Variants in STPG2 observed in about 807,000 individuals in gnomAD.
STPG2 encodes the protein sperm tail PG-rich repeat containing 2.
A neutral mutation model predicts 54.2 loss-of-function variants in STPG2; 56 were observed. That is an observed-to-expected ratio of 1.03 (90% CI 0.83 to 1.29). The LOEUF (loss-of-function observed/expected upper bound fraction) is 1.29, where lower values mean the gene tolerates loss of function less well. STPG2 is among the 50% of genes most tolerant of loss of function. The pLI is 0.00. For synonymous variants in STPG2, 200 were observed against 181.8 expected (o/e 1.10, Z -0.81); for missense variants, 596 against 544.9 (o/e 1.09, Z -0.93).
intron 4 of STPG2, among the ~76,000 whole-genome samples, chr4:97,532,935 C>A (rs760076836): frequency 6.6e-6 from 1 of 151,984 alleles, no homozygotes; most frequent in Non-Finnish European, 1.5e-5. Flanking sequence ...CAGGCTGGAG[C>A]GCAGTGGTGC....
intron 10 of STPG2, among the ~76,000 whole-genome samples, chr4:97,590,508 C>T (rs1478577336): frequency 2.0e-5 from 3 of 152,100 alleles, no homozygotes; most frequent in Admixed American, 1.3e-4. Flanking sequence ...AGTGCCTATT[C>T]TTACACAAGA....
At chr4:98,036,748 A>G (rs1432722500) in intron 5 of STPG2, among the ~76,000 whole-genome samples, 1 of 150,644 alleles carries the variant, frequency 6.6e-6, no homozygotes, top group East Asian at 1.9e-4. Flanking sequence ...TGTACAACAA[A>G]CCCCCTTGAC....
chr4:97,818,334 C>G (rs1392969286), intron 9 of STPG2, among the ~76,000 whole-genome samples: 2 of 151,828 alleles, frequency 1.3e-5, no homozygotes, highest in Non-Finnish European at 2.9e-5. Context: ...CCTATATATA[C>G]ATATCCATAA....
In STPG2 at chr4:97,846,580, G is replaced by A. The variant is rs1325130227; in HGVS notation, c.1045-5648C>T. Among the ~76,000 whole-genome samples, 5 of 148,908 alleles carry A rather than the reference G, an allele frequency of 3.4e-5. No individual in the cohort carries two copies. In the Admixed American group the frequency reaches 3.4e-4, roughly 10 times the overall value. On this transcript the variant is annotated intron_variant, in intron 8 of 10. Transcript: ENST00000295268. ...GCAGAGGTTGCAGTGAGCCGAGACG[G>A]TGCCACTGCACTCCAGACTGGCAAC...
Position 97,933,644 on chromosome 4 carries a change from T to C in STPG2, c.1044+10253A>G, listed in dbSNP as rs191250854. Among the ~76,000 whole-genome samples, 201 of 152,326 alleles carry C rather than the reference T, an allele frequency of 1.3e-3. 1 individual carries two copies. Among genetic ancestry groups the C allele is most frequent in the South Asian group, 4.6e-3 (22 of 4,826 alleles). On this transcript the variant is annotated intron_variant, in intron 8 of 10. Coordinates refer to ENST00000295268, the MANE Select transcript of STPG2 (RefSeq NM_174952.3). ...GAATTCTTTCCCCCTTGCCTGTTTT[T>C]GTCAGGTTTGTCAAAGATCAGATGG...
intron 8 of STPG2, among the ~76,000 whole-genome samples, chr4:97,874,208 AC>A (rs1282262563): frequency 6.6e-6 from 1 of 151,658 alleles, no homozygotes; most frequent in African/African-American, 2.4e-5. Flanking sequence ...TCCACTGGAA[AC>A]TTAGGGAATC....
chr4:97,731,508 G>C lies in STPG2; in HGVS notation c.1205-18694C>G, dbSNP rs113856413. Among the ~76,000 whole-genome samples, 864 of 152,264 alleles carry C rather than the reference G, an allele frequency of 5.7e-3. 2 individuals are homozygous for C. The highest frequency in any genetic ancestry group is 0.02 in the Middle Eastern group (6 of 294). ...AGAGAGGAAGGTTGGGAAGCCTAGA[G>C]ATGAAGCCTAGGAAGCTCATGCTTC... On this transcript the variant is annotated intron_variant, in intron 9 of 10. Transcript: ENST00000295268.
chr4:97,831,596 G>C (rs906668916), intron 9 of STPG2, among the ~76,000 whole-genome samples: 2 of 151,922 alleles, frequency 1.3e-5, no homozygotes, highest in African/African-American at 4.8e-5. Flanking sequence ...CTGCTTTTTT[G>C]AAAAGATCAA....
chr4:97,768,248 C>T (rs1226448494), intron 9 of STPG2, among the ~76,000 whole-genome samples: 2 of 151,138 alleles, frequency 1.3e-5, no homozygotes, highest in African/African-American at 2.4e-5. Flanking sequence ...AATTTAAAGA[C>T]ACAATGCAAA....
chr4:97,450,346 A>G (rs1729333294), intron 4 of STPG2, among the ~76,000 whole-genome samples: 1 of 152,158 alleles, frequency 6.6e-6, no homozygotes, highest in Non-Finnish European at 1.5e-5. Context: ...TCTAATAATA[A>G]AATTGTCAGC....
chr4:97,874,839 T>C (rs1373344633), intron 8 of STPG2, among the ~76,000 whole-genome samples: 1 of 151,600 alleles, frequency 6.6e-6, no homozygotes, highest in Non-Finnish European at 1.5e-5. Flanking sequence ...CTAGTGATCA[T>C]TTAAAAAAAA....
In STPG2 at chr4:97,735,261, C is replaced by CTA. The variant is rs368849557; in HGVS notation, c.1205-22449_1205-22448dup. ...GTATACAGATATAATAGGTGTGTAT[C>CTA]TATATATATATACATACACAAAGTG... On this transcript the variant is annotated intron_variant, in intron 9 of 10. Coordinates refer to ENST00000295268, the MANE Select transcript of STPG2 (RefSeq NM_174952.3). 5.7e-3 allele frequency among the ~76,000 whole-genome samples: 860 copies of CTA among 150,770 alleles called. 16 individuals are homozygous for CTA. The East Asian group carries it at 0.073, about 13-fold the overall frequency.
chr4:97,783,495 A>C (rs368581654), intron 9 of STPG2, among the ~76,000 whole-genome samples: 2 of 152,188 alleles, frequency 1.3e-5, no homozygotes, highest in East Asian at 1.9e-4. Context: ...AACTAGTTCA[A>C]CCATTGTGGA....
chr4:97,986,987 G>T (rs867020366), intron 5 of STPG2, among the ~76,000 whole-genome samples: 1 of 152,072 alleles, frequency 6.6e-6, no homozygotes, highest in Non-Finnish European at 1.5e-5. Flanking sequence ...CCAGGCCCTG[G>T]TACTCCCTAA....
chr4:98,122,736 G>A (rs1230079026), intron 3 of STPG2, among the ~76,000 whole-genome samples: 1 of 151,620 alleles, frequency 6.6e-6, no homozygotes, highest in African/African-American at 2.4e-5. Context: ...ATTTTTTTTG[G>A]AATAGTTTCA....
intron 4 of STPG2, among the ~76,000 whole-genome samples, chr4:97,511,750 A>T (rs927276302): frequency 2.0e-5 from 3 of 152,102 alleles, no homozygotes; most frequent in Non-Finnish European, 4.4e-5. Flanking sequence ...AACAAACAAA[A>T]TAAAAATATA....
chr4:97,965,081 C>A (rs1481280586), intron 7 of STPG2, among the ~76,000 whole-genome samples: 1 of 152,192 alleles, frequency 6.6e-6, no homozygotes, highest in Admixed American at 6.5e-5. Context: ...ATTTCCCTTT[C>A]CTAGCCAAGG....
intron 8 of STPG2, among the ~76,000 whole-genome samples, chr4:97,884,094 A>C (rs1489554190): frequency 6.6e-6 from 1 of 151,994 alleles, no homozygotes; most frequent in Non-Finnish European, 1.5e-5. Flanking sequence ...GGCCCAATAA[A>C]CTCATTCAAA....
chr4:97,997,263 T>G (rs149420886), intron 5 of STPG2, among the ~76,000 whole-genome samples: 72 of 152,266 alleles, frequency 4.7e-4, no homozygotes, highest in African/African-American at 1.7e-3. Context: ...GAGTAATTTA[T>G]AAGAAAAGAG....
Sources: gnomAD v4.1 joint callset for allele counts (sites outside exome capture counted in the v4.1 genomes callset) on GRCh38, gnomAD v4.1.1 for gene constraint, MANE v1.5 for transcripts, NCBI Gene and HGNC (gene_info 2026-07-23, HGNC 2026-07-21) for gene names.